The following MITF variants were observed in gnomAD, a reference collection of about 807,000 sequenced individuals.
The protein encoded by MITF is melanocyte inducing transcription factor, also known as microphthalmia-associated transcription factor.
MITF carries 17 observed loss-of-function variants against 60.5 expected under a neutral mutation model. The ratio of observed to expected loss-of-function variants is 0.28; its 90% CI spans 0.19 to 0.42. The LOEUF (loss-of-function observed/expected upper bound fraction) is 0.42, where lower values mean the gene tolerates loss of function less well. Among genes scored for constraint, MITF ranks in the 10% least tolerant of loss-of-function variants. The pLI is 1.00. For missense variants in MITF, 622 were observed against 683.5 expected, an observed-to-expected ratio of 0.91 and a Z score of 1.00; for synonymous variants, 260 against 248.5, an observed-to-expected ratio of 1.05 and a Z score of -0.43.
chr3:69,934,001 G>A (rs1032563020), intron 2 of MITF, among the ~76,000 whole-genome samples: 17 of 152,154 alleles, frequency 1.1e-4, no homozygotes, highest in Non-Finnish European at 2.1e-4. Context: ...GTTTGGACAG[G>A]GTTAGTATCT....
chr3:69,801,146 T>C (rs2062913076), intron 1 of MITF, among the ~76,000 whole-genome samples: 1 of 152,042 alleles, frequency 6.6e-6, no homozygotes, highest in South Asian at 2.1e-4. Context: ...GGAAGATCTT[T>C]GAAATCCTGT....
At chr3:69,931,365 GAA>G (rs1254628040) in intron 2 of MITF, among the ~76,000 whole-genome samples, 1 of 152,012 alleles carries the variant, frequency 6.6e-6, no homozygotes, top group Non-Finnish European at 1.5e-5. Context: ...GCCTGAGGGA[GAA>G]AAAAATAATG....
chr3:69,946,559 G>A (rs1362910883), intron 5 of MITF, among the ~76,000 whole-genome samples: 1 of 152,118 alleles, frequency 6.6e-6, no homozygotes, highest in Non-Finnish European at 1.5e-5. Context: ...CATACACAAA[G>A]TGCCATTTTA....
chr3:69,758,955 A>T (rs2062170471), intron 1 of MITF, among the ~76,000 whole-genome samples: 1 of 152,234 alleles, frequency 6.6e-6, no homozygotes. Flanking sequence ...AATGACTGGC[A>T]TATGTACATT....
intron 2 of MITF, among the ~76,000 whole-genome samples, chr3:69,881,794 T>C (rs992128780): frequency 3.3e-5 from 5 of 152,138 alleles, no homozygotes; most frequent in Non-Finnish European, 5.9e-5. Flanking sequence ...AGTATACTAA[T>C]TGAGTGCATT....
In MITF at chr3:69,964,983, A is replaced by G. The variant is rs771707331; in HGVS notation, c.1316A>G (p.His439Arg). 1 of 1,614,158 alleles carries G rather than the reference A, an allele frequency of 6.2e-7. No homozygotes were observed. The highest frequency in any genetic ancestry group is 8.5e-7 in the Non-Finnish European group (1 of 1,180,030). The change falls in exon 10 of 10, where the codon CAT (histidine) becomes CGT (arginine). Residue 439 changes from histidine to arginine, a missense_variant. Physicochemically the swap from His to Arg is conservative, Grantham distance 29. Around this residue, in one of 5 missense-constraint regions of MITF, gnomAD observed 224 missense variants for 209.5 expected, o/e 1.07. Transcript: ENST00000352241. ...TGCAGCCAAGACCTCCTTCAGCATC[A>G]TGCAGACCTAACCTGTACAACAACT... ...ENCSQDLLQH[H>R]ADLTCTTTLD...
chr3:69,936,939 G>T, intron 2 of MITF: 61 of 399,336 alleles, frequency 1.5e-4, no homozygotes, highest in Non-Finnish European at 1.9e-4. Flanking sequence ...GTAAATATTA[G>T]TAGGATTCTT....
intron 1 of MITF, among the ~76,000 whole-genome samples, chr3:69,747,716 A>G (rs1465043451): frequency 2.0e-5 from 3 of 152,230 alleles, no homozygotes; most frequent in African/African-American, 7.2e-5. Context: ...TTGTCTTTAT[A>G]AACCTAACCC....
chr3:69,761,495 A>G (rs944480177), intron 1 of MITF, among the ~76,000 whole-genome samples: 4 of 152,124 alleles, frequency 2.6e-5, no homozygotes, highest in Admixed American at 6.6e-5. Flanking sequence ...GTTTCCATGT[A>G]TTTTGGTGTT....
chr3:69,777,426 C>G (rs974492031), intron 1 of MITF, among the ~76,000 whole-genome samples: 1 of 152,132 alleles, frequency 6.6e-6, no homozygotes, highest in Non-Finnish European at 1.5e-5. Context: ...TGCAATATAT[C>G]TTTAAGTTCA....
At chr3:69,924,060 AT>A (rs578060557) in intron 2 of MITF, among the ~76,000 whole-genome samples, 79 of 152,256 alleles carry the variant, frequency 5.2e-4, no homozygotes, top group Non-Finnish European at 8.2e-4. Flanking sequence ...GGTAGTCATG[AT>A]TTTTTTGATC....
intron 2 of MITF, among the ~76,000 whole-genome samples, chr3:69,934,212 T>C (rs1169477330): frequency 6.6e-6 from 1 of 152,176 alleles, no homozygotes. Flanking sequence ...AGATCTGGAC[T>C]ATTTCAGAAT....
intron 2 of MITF, among the ~76,000 whole-genome samples, chr3:69,907,495 G>C (rs754110289): frequency 6.6e-6 from 1 of 152,178 alleles, no homozygotes; most frequent in Non-Finnish European, 1.5e-5. Flanking sequence ...CTGGAGGAGA[G>C]ACTCATGATG....
At chr3:69,782,698 G>C (rs1265123092) in intron 1 of MITF, among the ~76,000 whole-genome samples, 1 of 152,190 alleles carries the variant, frequency 6.6e-6, no homozygotes, top group African/African-American at 2.4e-5. Flanking sequence ...AGCATTCCCT[G>C]ATTAAATATT....
rs114630287 is a variant in MITF at position 69,911,843 on chromosome 3, C to T, written c.355-25979C>T. 4.4e-3 allele frequency among the ~76,000 whole-genome samples: 673 copies of T among 152,208 alleles called. 8 individuals carry two copies. Among genetic ancestry groups the T allele is most frequent in the African/African-American group, 0.016 (650 of 41,540 alleles). On this transcript the variant is annotated intron_variant, in intron 2 of 9. Transcript: ENST00000352241. ...GTGAGAGCAAAGATGGTACAAATAC[C>T]TTGAAGAACAGTTTGGCAATATTTA... is the stretch of plus-strand genomic sequence containing the variant.
intron 2 of MITF, among the ~76,000 whole-genome samples, chr3:69,919,816 G>GT (rs1473067403): frequency 1.3e-4 from 15 of 116,020 alleles, no homozygotes; most frequent in Non-Finnish European, 2.7e-4. Flanking sequence ...TATTTGCTGG[G>GT]GTTTTTTTTT....
intron 9 of MITF, 147 bp from the exon 10 acceptor site, chr3:69,964,700 T>A: frequency 1.6e-6 from 1 of 632,860 alleles, no homozygotes; most frequent in Non-Finnish European, 2.8e-6. Context: ...TACTTTACAT[T>A]CCCTCTGGTA....
At chr3:69,833,682 GTT>G (rs1232743747) in intron 1 of MITF, among the ~76,000 whole-genome samples, 1 of 41,578 alleles carries the variant, frequency 2.4e-5, no homozygotes, top group Non-Finnish European at 1.1e-4. Flanking sequence ...ACTGTATGTG[GTT>G]CTCTGTTTAC....
At chr3:69,750,400 T>C (rs1703888648) in intron 1 of MITF, among the ~76,000 whole-genome samples, 1 of 150,834 alleles carries the variant, frequency 6.6e-6, no homozygotes, top group Non-Finnish European at 1.5e-5. Flanking sequence ...TTTTTTTTTT[T>C]TCCTTTTTTA....
Sources: allele counts gnomAD v4.1 joint callset (sites outside exome capture counted in the v4.1 genomes callset), GRCh38; gene constraint gnomAD v4.1.1; regional missense constraint gnomAD v4.1.1; transcripts MANE v1.5; gene names NCBI Gene and HGNC (gene_info 2026-07-23, HGNC 2026-07-21).